Variants in PTPN14 observed in about 807,000 individuals in gnomAD.
The protein encoded by PTPN14 is tyrosine-protein phosphatase non-receptor type 14.
A neutral mutation model predicts 126.8 loss-of-function variants in PTPN14; 53 were observed. The ratio of observed to expected loss-of-function variants is 0.42; its 90% confidence interval spans 0.34 to 0.53. PTPN14 has a LOEUF of 0.53. PTPN14 is among the 20% of genes least tolerant of loss of function. The pLI, the probability that PTPN14 is intolerant of heterozygous loss-of-function variation, is 0.08. For missense variants in PTPN14, 1,257 were observed against 1,552.9 expected (o/e 0.81, Z 3.20); for synonymous variants, 630 against 599.3 (o/e 1.05, Z -0.75).
chr1:214,384,254 G>A lies in PTPN14; in HGVS notation c.1601C>T (p.Ser534Leu), dbSNP rs200531948. The A allele has an allele frequency of 2.8e-5, 46 of 1,614,128 alleles. No homozygotes were observed. Among genetic ancestry groups the A allele is most frequent in the Admixed American group, 1.3e-4 (8 of 60,026 alleles). ...CAGCTCTGGGGTGCTCACCGTGTGCGAGATGGCGCTTGCCCCCGGCTTGCT... is the reference window on the plus strand; with the variant it reads ...CAGCTCTGGGGTGCTCACCGTGTGCAAGATGGCGCTTGCCCCCGGCTTGCT... ...VPSKPGASAI[S>L]HTVSTPELAN... Residue 534 changes from serine (S) to leucine (L), a missense_variant, in exon 13 of 19, where the codon TCG becomes TTG. This residue lies in a region of PTPN14 where 1,021 missense variants were observed against 1,183.3 expected (regional missense o/e 0.86). Coordinates refer to ENST00000366956, the MANE Select transcript of PTPN14 (RefSeq NM_005401.5). The surrounding 1 kb of genome is among the most constrained non-coding windows in gnomAD (Gnocchi z 5.3).
In PTPN14 at chr1:214,384,148, G is replaced by C. The variant is rs781766897; in HGVS notation, c.1707C>G (p.Pro569=). ...LKNYLFRPPP[P]YPRPRPATST... ...TGGTGGCAGGTCGTGGCCGTGGGTA[G>C]GGGGGCGGTGGCCTGAAGAGATAGT... Residue 569 remains proline, a synonymous_variant, in exon 13 of 19, where the codon CCC becomes CCG. Transcript: ENST00000366956. This position sits in a 1 kb window ranked among gnomAD's most constrained non-coding sequence, Gnocchi z 5.3. 1.9e-6 allele frequency: 3 copies of C among 1,578,530 alleles called. No individual in the cohort carries two copies. Among genetic ancestry groups the C allele is most frequent in the Admixed American group, 3.4e-5 (2 of 58,704 alleles).
chr1:214,420,745 AC>A (rs1659525056), intron 3 of PTPN14, among the ~76,000 whole-genome samples: 1 of 152,230 alleles, frequency 6.6e-6, no homozygotes, highest in East Asian at 1.9e-4. Context: ...ATGTCCTGAC[AC>A]CACTTCTTTC....
intron 1 of PTPN14, among the ~76,000 whole-genome samples, chr1:214,465,169 C>T (rs573143397): frequency 1.3e-5 from 2 of 152,282 alleles, no homozygotes; most frequent in African/African-American, 2.4e-5. Flanking sequence ...ATAAAAGCTA[C>T]TTTACAGTTG....
chr1:214,538,908 G>A (rs17023155), intron 1 of PTPN14, among the ~76,000 whole-genome samples: 22,453 of 151,992 alleles, frequency 0.15, 2,228 homozygotes, highest in African/African-American at 0.28. Flanking sequence ...TAAACTGAAC[G>A]TTACTCTTCA....
chr1:214,430,299 T>C (rs2102606053), intron 3 of PTPN14, among the ~76,000 whole-genome samples: 1 of 152,280 alleles, frequency 6.6e-6, no homozygotes, highest in South Asian at 2.1e-4. Context: ...GTCCAGGCTG[T>C]TTTCCTGCCT....
chr1:214,390,328 AAATT>A (rs1409958837), intron 11 of PTPN14, among the ~76,000 whole-genome samples: 1 of 152,248 alleles, frequency 6.6e-6, no homozygotes, highest in Non-Finnish European at 1.5e-5. Context: ...ACATGCATTG[AAATT>A]AATTGTGTTT....
chr1:214,473,887 T>C (rs1323000832), intron 1 of PTPN14, among the ~76,000 whole-genome samples: 1 of 152,230 alleles, frequency 6.6e-6, no homozygotes, highest in East Asian at 1.9e-4. Flanking sequence ...ATCATATCCA[T>C]ACATCAAATT....
At chr1:214,371,488 C>G (rs1017660854) in intron 16 of PTPN14, among the ~76,000 whole-genome samples, 3 of 152,170 alleles carry the variant, frequency 2.0e-5, no homozygotes, top group Admixed American at 2.0e-4. Context: ...CCACTCTGGA[C>G]TATAGTTTTC....
At chr1:214,388,773 A>C (rs1358874169) in intron 11 of PTPN14, among the ~76,000 whole-genome samples, 1 of 152,202 alleles carries the variant, frequency 6.6e-6, no homozygotes, top group Non-Finnish European at 1.5e-5. Flanking sequence ...AGAATCTCAG[A>C]TCAAACCAAG....
intron 1 of PTPN14, among the ~76,000 whole-genome samples, chr1:214,490,273 T>A (rs945286651): frequency 4.6e-5 from 7 of 152,192 alleles, no homozygotes; most frequent in African/African-American, 1.7e-4. Flanking sequence ...AAATAAATCT[T>A]TTCTCCCAAA....
intron 7 of PTPN14, 101 bp downstream of exon 7, chr1:214,401,584 A>G: frequency 9.7e-7 from 1 of 1,030,846 alleles, no homozygotes; most frequent in South Asian, 1.8e-5. Flanking sequence ...CATAGCAAAA[A>G]GAAGGCCAAG....
At chr1:214,514,954 C>T (rs1310854308) in intron 1 of PTPN14, among the ~76,000 whole-genome samples, 1 of 152,164 alleles carries the variant, frequency 6.6e-6, no homozygotes, top group East Asian at 1.9e-4. Context: ...GGTCGCCTGG[C>T]AGCTCCCCTC....
chr1:214,457,719 T>C (rs969562857), intron 2 of PTPN14, among the ~76,000 whole-genome samples: 4 of 152,228 alleles, frequency 2.6e-5, no homozygotes, highest in African/African-American at 9.6e-5. Flanking sequence ...AAATTACTTT[T>C]AATAAATATT....
chr1:214,432,573 T>C (rs1186447059), intron 3 of PTPN14, among the ~76,000 whole-genome samples: 1 of 152,324 alleles, frequency 6.6e-6, no homozygotes, highest in East Asian at 1.9e-4. Context: ...AAATGTCCTT[T>C]GTAGAATGGG....
At chr1:214,524,519 C>G (rs998755325) in intron 1 of PTPN14, among the ~76,000 whole-genome samples, 1 of 151,886 alleles carries the variant, frequency 6.6e-6, no homozygotes, top group Non-Finnish European at 1.5e-5. Context: ...AGGCAGGATG[C>G]TGCACACCTG....
intron 1 of PTPN14, among the ~76,000 whole-genome samples, chr1:214,522,757 A>T (rs1198156815): frequency 2.0e-5 from 3 of 152,246 alleles, no homozygotes; most frequent in Non-Finnish European, 4.4e-5. Flanking sequence ...AAAGACCGCA[A>T]GCAGTAAAAG....
chr1:214,387,549 T>G (rs1021779630), intron 11 of PTPN14, among the ~76,000 whole-genome samples: 1 of 151,656 alleles, frequency 6.6e-6, no homozygotes, highest in African/African-American at 2.4e-5. Flanking sequence ...CGTGGCGACA[T>G]GCACCTGTAG....
chr1:214,526,680 T>C (rs1025639199), intron 1 of PTPN14, among the ~76,000 whole-genome samples: 1 of 152,190 alleles, frequency 6.6e-6, no homozygotes, highest in African/African-American at 2.4e-5. Flanking sequence ...ATTCTGATTA[T>C]CAGTGTTTGA....
In PTPN14 at chr1:214,350,903, T is replaced by A. The variant is rs1657693008; in HGVS notation, c.*7019A>T. 1 of 151,754 alleles carries A rather than the reference T, an allele frequency of 6.6e-6. No homozygotes were observed. Among genetic ancestry groups the A allele is most frequent in the African/African-American group, 2.4e-5 (1 of 41,282 alleles). The allele number at this position is 151,754 out of a possible 1,614,324, so 9.4% of individuals were successfully genotyped here. ...TCTTTGAAACTATACAAGCAATTTTTAAAAAATTAAAATAAGATTTCCTAA... is the reference window on the plus strand; with the variant it reads ...TCTTTGAAACTATACAAGCAATTTTAAAAAAATTAAAATAAGATTTCCTAA... On this transcript the variant is annotated 3_prime_UTR_variant, in exon 19 of 19. Transcript: ENST00000366956.
Sources: allele counts gnomAD v4.1 joint callset (sites outside exome capture counted in the v4.1 genomes callset), GRCh38; gene constraint gnomAD v4.1.1; regional missense constraint gnomAD v4.1.1; non-coding constraint Gnocchi (gnomAD v3.1); transcripts MANE v1.5; gene names NCBI Gene and HGNC (gene_info 2026-07-23, HGNC 2026-07-21).